The following FAM81A variants were observed in gnomAD, a reference collection of about 807,000 sequenced individuals.
The protein encoded by FAM81A is family with sequence similarity 81 member A.
In FAM81A, 19 loss-of-function variants were observed where a neutral mutation model predicts 46.7. The ratio of observed to expected loss-of-function variants is 0.41; its 90% CI spans 0.28 to 0.60. FAM81A has a LOEUF of 0.60. FAM81A is among the 20% of genes least tolerant of loss of function. The pLI, the probability that FAM81A is intolerant of heterozygous loss-of-function variation, is 0.34. For synonymous variants in FAM81A, 183 were observed against 152.9 expected, an observed-to-expected ratio of 1.20 and a Z score of -1.45; for missense variants, 377 against 453.5, an observed-to-expected ratio of 0.83 and a Z score of 1.53.
intron 3 of FAM81A, among the ~76,000 whole-genome samples, chr15:59,487,936 T>C (rs1162487594): frequency 6.7e-6 from 1 of 149,790 alleles, no homozygotes; most frequent in Non-Finnish European, 1.5e-5. Flanking sequence ...AAATTAAAGA[T>C]GCAAAACAAA....
chr15:59,467,313 A>T (rs1370967138), intron 3 of FAM81A, among the ~76,000 whole-genome samples: 2 of 152,232 alleles, frequency 1.3e-5, no homozygotes, highest in Admixed American at 1.3e-4. Context: ...GGCCATTTTC[A>T]CGATATTGAT....
chr15:59,408,115 G>T, intron 2 of FAM81A: 1 of 159,148 alleles, frequency 6.3e-6, no homozygotes, highest in South Asian at 1.7e-4. Context: ...GCAGCAGCTG[G>T]AGCCACCTTC....
chr15:59,478,276 A>C lies in FAM81A; in HGVS notation c.295-13995A>C, dbSNP rs112128435. Among the ~76,000 whole-genome samples the C allele has an allele frequency of 4.4e-3, 665 of 152,320 alleles. 5 individuals are homozygous for C. The highest frequency in any genetic ancestry group is 0.015 in the African/African-American group (643 of 41,566). On this transcript the variant is annotated intron_variant, in intron 3 of 8. Coordinates refer to ENST00000288228, the MANE Select transcript of FAM81A (RefSeq NM_152450.3). ...CTTCATGATGTCCTTCTGGCTTGGA[A>C]TGTTGGCTTTAACCTAGTTGGGTTA...
upstream of FAM81A, among the ~76,000 whole-genome samples, chr15:59,437,731 G>A (rs2081253082): frequency 6.6e-6 from 1 of 152,142 alleles, no homozygotes; most frequent in Non-Finnish European, 1.5e-5. Flanking sequence ...ATTTTTGTGG[G>A]AAAGCGGTTT....
intron 3 of FAM81A, among the ~76,000 whole-genome samples, chr15:59,483,185 G>A (rs1404282708): frequency 1.3e-5 from 2 of 151,978 alleles, no homozygotes; most frequent in African/African-American, 2.4e-5. Context: ...CTACAGGTGC[G>A]TGCCATCACG....
intron 3 of FAM81A, among the ~76,000 whole-genome samples, chr15:59,461,515 C>T (rs1009618015): frequency 2.0e-5 from 3 of 152,104 alleles, no homozygotes; most frequent in Non-Finnish European, 4.4e-5. Flanking sequence ...GAGACATCGT[C>T]TCACTATGTT....
At position 59,476,424 on chromosome 15, in the gene FAM81A, C is replaced by T. The variant is rs973664373; in HGVS notation, c.295-15847C>T. On this transcript the variant is annotated intron_variant, in intron 3 of 8. Transcript: ENST00000288228. Reference sequence around the variant, plus strand: ...TTTTGGAGGACACAAACATTCAGTCCGTAACAATGATGTAGAGTAAATTTA... The same window carrying T: ...TTTTGGAGGACACAAACATTCAGTCTGTAACAATGATGTAGAGTAAATTTA... Among the ~76,000 whole-genome samples, 7 of 152,084 alleles carry T rather than the reference C, an allele frequency of 4.6e-5. No homozygotes were observed. In the East Asian group the frequency reaches 5.8e-4, roughly 13 times the overall value.
Position 59,507,155 on chromosome 15 carries a change from CT to C in FAM81A, c.414-54del, listed in dbSNP as rs1434033843. 3.9e-6 allele frequency: 6 copies of C among 1,556,698 alleles called. No individual in the cohort carries two copies. In the African/African-American group the frequency reaches 5.4e-5, roughly 14 times the overall value. On this transcript the variant is annotated intron_variant, in intron 4 of 8. Coordinates refer to ENST00000288228, the MANE Select transcript of FAM81A (RefSeq NM_152450.3). ...TTGCATTTCAGAGTGTATAAGGAAG[CT>C]TTTGCGCATTGTTTTTAAACTTTAA...
At chr15:59,406,656 A>G (rs1180855926) in intron 2 of FAM81A, among the ~76,000 whole-genome samples, 1 of 152,058 alleles carries the variant, frequency 6.6e-6, no homozygotes, top group East Asian at 1.9e-4. Flanking sequence ...TTCGGTTCAT[A>G]CCCACTCCTA....
At chr15:59,401,597 A>G in intron 1 of FAM81A, 1 of 876,502 alleles carries the variant, frequency 1.1e-6, no homozygotes. Context: ...TGTTCGAATA[A>G]CTTTTAATAC....
intron 4 of FAM81A, among the ~76,000 whole-genome samples, chr15:59,500,828 GTTC>G (rs2082083788): frequency 6.6e-6 from 1 of 151,352 alleles, no homozygotes; most frequent in African/African-American, 2.4e-5. Flanking sequence ...TTTCCATTAG[GTTC>G]TTCTTTTTCT....
intron 2 of FAM81A, among the ~76,000 whole-genome samples, chr15:59,419,864 C>A (rs978967750): frequency 3.9e-5 from 6 of 152,068 alleles, no homozygotes; most frequent in African/African-American, 1.5e-4. Flanking sequence ...GACAACAGAG[C>A]GAGACTCCAT....
At chr15:59,519,760 T>G (rs1394500663) in intron 8 of FAM81A, among the ~76,000 whole-genome samples, 1 of 152,190 alleles carries the variant, frequency 6.6e-6, no homozygotes, top group Non-Finnish European at 1.5e-5. Context: ...TAAAGCTGAA[T>G]AATATTCATC....
intron 3 of FAM81A, among the ~76,000 whole-genome samples, chr15:59,491,405 G>C (rs2081979638): frequency 6.6e-6 from 1 of 152,042 alleles, no homozygotes; most frequent in Admixed American, 6.6e-5. Flanking sequence ...TAGAATGATG[G>C]TTACCAGAGG....
chr15:59,403,218 C>T (rs1319173915), intron 2 of FAM81A, among the ~76,000 whole-genome samples: 1 of 152,050 alleles, frequency 6.6e-6, no homozygotes, highest in Non-Finnish European at 1.5e-5. Flanking sequence ...GGCTACCCCC[C>T]CATCCCACAC....
chr15:59,403,061 T>TCATTTAGTA (rs1436782586), intron 2 of FAM81A, among the ~76,000 whole-genome samples: 2 of 152,098 alleles, frequency 1.3e-5, no homozygotes, highest in Non-Finnish European at 2.9e-5. Flanking sequence ...TTCATTTAGT[T>TCATTTAGTA]CATGGGTCTA....
intron 4 of FAM81A, among the ~76,000 whole-genome samples, chr15:59,503,771 C>T (rs1232460527): frequency 6.6e-6 from 1 of 152,138 alleles, no homozygotes; most frequent in Non-Finnish European, 1.5e-5. Context: ...TGGGGTTTTC[C>T]CATGTTGGCC....
At chr15:59,475,968 T>G (rs1347365652) in intron 3 of FAM81A, among the ~76,000 whole-genome samples, 1 of 152,210 alleles carries the variant, frequency 6.6e-6, no homozygotes, top group Non-Finnish European at 1.5e-5. Context: ...AACAGAAATT[T>G]CTTTTTCATG....
intron 6 of FAM81A, among the ~76,000 whole-genome samples, chr15:59,511,448 C>T (rs1357535188): frequency 1.1e-4 from 17 of 152,106 alleles, no homozygotes; most frequent in African/African-American, 3.9e-4. Flanking sequence ...GACACGGGTT[C>T]ACATCAGATA....
Sources: allele counts gnomAD v4.1 joint callset (sites outside exome capture counted in the v4.1 genomes callset), GRCh38; gene constraint gnomAD v4.1.1; transcripts MANE v1.5; gene names NCBI Gene and HGNC (gene_info 2026-07-23, HGNC 2026-07-21).